Variants in METTL24 observed in about 807,000 individuals in gnomAD.
METTL24 encodes the protein probable methyltransferase-like protein 24.
In METTL24, 29 loss-of-function variants were observed where a neutral mutation model predicts 32.7. That is an observed-to-expected ratio of 0.89 (90% CI 0.66 to 1.21). The LOEUF (loss-of-function observed/expected upper bound fraction) is 1.21, where lower values mean the gene tolerates loss of function less well. METTL24 is among the 50% of genes most tolerant of loss of function. The pLI is 0.00. For synonymous variants in METTL24, 163 were observed against 179.5 expected (o/e 0.91, Z 0.73); for missense variants, 439 against 468.1 (o/e 0.94, Z 0.57).
At chr6:110,255,143 C>A (rs942343581) in intron 4 of METTL24, among the ~76,000 whole-genome samples, 2 of 151,968 alleles carry the variant, frequency 1.3e-5, no homozygotes, top group Non-Finnish European at 2.9e-5. Context: ...TAATGTAGGA[C>A]CAATTCTGAA....
chr6:110,260,496 AC>A (rs1335333293), intron 4 of METTL24, among the ~76,000 whole-genome samples: 3 of 152,234 alleles, frequency 2.0e-5, no homozygotes, highest in African/African-American at 7.2e-5. Context: ...TGAGTGGTGT[AC>A]CTGAAAGTGA....
intron 3 of METTL24, among the ~76,000 whole-genome samples, chr6:110,311,934 T>C (rs1771731020): frequency 6.6e-6 from 1 of 152,254 alleles, no homozygotes; most frequent in Non-Finnish European, 1.5e-5. Flanking sequence ...GTTCCTTGTA[T>C]ATTCTGGATA....
intron 4 of METTL24, among the ~76,000 whole-genome samples, chr6:110,264,058 T>C (rs1026846466): frequency 6.6e-6 from 1 of 152,000 alleles, no homozygotes; most frequent in Non-Finnish European, 1.5e-5. Flanking sequence ...GACATAGGCA[T>C]GGGCAAGGAC....
Position 110,358,070 on chromosome 6 carries a change from G to A in METTL24, c.203C>T (p.Ala68Val). ...CACGTAGGTCACCTGCCTCCTGCTG[G>A]CGCCGCGCGGCTGGCCCGGCGCGGG... is the stretch of plus-strand genomic sequence containing the variant. ...LPPAPGQPRG[A>V]SRRQVTYVRS... The change falls in exon 1 of 5, where the codon GCC (alanine) becomes GTC (valine). Residue 68 changes from alanine to valine, a missense_variant. Physicochemically the swap from Ala to Val is moderately conservative, Grantham distance 64. Transcript: ENST00000338882. The A allele has an allele frequency of 9.9e-7, 1 of 1,013,398 alleles. No individual in the cohort carries two copies. 62.8% of individuals were successfully genotyped at this position (1,013,398 alleles called of 1,614,324 possible).
intron 4 of METTL24, chr6:110,253,767 C>A: frequency 1.3e-6 from 1 of 766,944 alleles, no homozygotes; most frequent in Non-Finnish European, 1.9e-6. Flanking sequence ...ATAACTGAAA[C>A]ACACATTTTC....
intron 1 of METTL24, 59 bp from the exon 2 acceptor site, chr6:110,322,931 A>T: frequency 7.3e-7 from 1 of 1,370,350 alleles, no homozygotes; most frequent in Non-Finnish European, 1.0e-6. Context: ...TGGGAGGAGA[A>T]GGACACAGTA....
intron 4 of METTL24, among the ~76,000 whole-genome samples, chr6:110,290,294 C>G (rs902067540): frequency 2.0e-5 from 3 of 152,158 alleles, no homozygotes; most frequent in Admixed American, 1.3e-4. Flanking sequence ...TTCCATCACC[C>G]CAAAAAGTTC....
chr6:110,304,394 C>A (rs990536759), intron 3 of METTL24, among the ~76,000 whole-genome samples: 3 of 152,138 alleles, frequency 2.0e-5, no homozygotes, highest in African/African-American at 7.2e-5. Context: ...CATGTTCTAA[C>A]CCAATGCAAG....
At chr6:110,271,631 T>C (rs1222047761) in intron 4 of METTL24, among the ~76,000 whole-genome samples, 1 of 152,168 alleles carries the variant, frequency 6.6e-6, no homozygotes, top group Non-Finnish European at 1.5e-5. Flanking sequence ...AGCGAGTCCA[T>C]AGTCCATGTA....
At chr6:110,328,877 C>T (rs889389389) in intron 1 of METTL24, among the ~76,000 whole-genome samples, 26 of 152,208 alleles carry the variant, frequency 1.7e-4, no homozygotes, top group African/African-American at 5.5e-4. Context: ...GGAATAACAG[C>T]TTCCTCCTTC....
chr6:110,324,738 T>C (rs1018566889), intron 1 of METTL24, among the ~76,000 whole-genome samples: 40 of 152,350 alleles, frequency 2.6e-4, no homozygotes, highest in African/African-American at 9.1e-4. Flanking sequence ...CATTAAGTCA[T>C]ACATCTTTCC....
chr6:110,350,635 C>T (rs534429670), intron 1 of METTL24, among the ~76,000 whole-genome samples: 2 of 151,772 alleles, frequency 1.3e-5, no homozygotes, highest in South Asian at 2.1e-4. Context: ...TAAATGTCCT[C>T]GAAATGGGGG....
chr6:110,323,853 G>A (rs1186788603), intron 1 of METTL24, among the ~76,000 whole-genome samples: 1 of 152,040 alleles, frequency 6.6e-6, no homozygotes, highest in African/African-American at 2.4e-5. Context: ...TAGTGAGAAT[G>A]GGCCCCTAAA....
intron 1 of METTL24, among the ~76,000 whole-genome samples, chr6:110,324,764 C>A (rs974083368): frequency 3.9e-5 from 6 of 152,192 alleles, no homozygotes; most frequent in Non-Finnish European, 8.8e-5. Context: ...ATGCCTCCCA[C>A]ACCCTCATTT....
At chr6:110,339,248 G>C (rs1159937842) in intron 1 of METTL24, among the ~76,000 whole-genome samples, 2 of 152,172 alleles carry the variant, frequency 1.3e-5, no homozygotes, top group East Asian at 3.8e-4. Flanking sequence ...CACTCCTGCA[G>C]CTAACAGCTT....
At chr6:110,320,928 C>T (rs900476117) in intron 2 of METTL24, among the ~76,000 whole-genome samples, 12 of 152,012 alleles carry the variant, frequency 7.9e-5, no homozygotes, top group East Asian at 3.9e-4. Context: ...GATCAGACTA[C>T]GGAGGATGCT....
rs1039842510 is a variant in METTL24, at chr6:110,332,580, C to T, written c.319-9708G>A. 5.8e-5 allele frequency: 36 copies of T among 622,626 alleles called. No homozygotes were observed. The East Asian group carries it at 7.1e-4, about 12-fold the overall frequency. The allele number at this position is 622,626 out of a possible 1,614,324, so 38.6% of individuals were successfully genotyped here. A position where few individuals can be genotyped will look rare whatever the true frequency, so the allele number is the denominator to read the frequency against. On this transcript the variant is annotated intron_variant, in intron 1 of 4. Transcript: ENST00000338882. ...AGCACATCAACCTGGAAAGGAGGGA[C>T]GAGTTTCAGTTTTCTTATGAAAGTA...
chr6:110,253,680 C>A (rs1778326044), intron 4 of METTL24, among the ~76,000 whole-genome samples: 1 of 152,078 alleles, frequency 6.6e-6, no homozygotes, highest in Admixed American at 6.6e-5. Context: ...TCTGAACTCC[C>A]AAACATTTTT....
intron 1 of METTL24, among the ~76,000 whole-genome samples, chr6:110,349,181 G>A (rs1366453089): frequency 1.3e-5 from 2 of 152,150 alleles, no homozygotes; most frequent in East Asian, 1.9e-4. Context: ...CTTGCTACCC[G>A]TCTCCAACTC....
Sources: gnomAD v4.1 joint callset for allele counts (sites outside exome capture counted in the v4.1 genomes callset) on GRCh38, gnomAD v4.1.1 for gene constraint, MANE v1.5 for transcripts, NCBI Gene and HGNC (gene_info 2026-07-23, HGNC 2026-07-21) for gene names.